Variants in EXOC4 observed in about 807,000 individuals in gnomAD.
EXOC4 encodes exocyst complex component 4, also known as SEC8-like 1.
Under a neutral mutation model 107.2 loss-of-function variants are expected in EXOC4, and 71 were observed. The observed-to-expected ratio is 0.66, with a 90% CI of 0.55 to 0.81. EXOC4 has a LOEUF of 0.81. Among genes scored for constraint, EXOC4 ranks in the 30% least tolerant of loss-of-function variants. EXOC4 has a pLI of 0.00. For synonymous variants in EXOC4, 456 were observed against 441.2 expected, an observed-to-expected ratio of 1.03 and a Z score of -0.42; for missense variants, 1,108 against 1,189.6, an observed-to-expected ratio of 0.93 and a Z score of 1.01.
chr7:133,548,577 T>C (rs1277089560), intron 9 of EXOC4, among the ~76,000 whole-genome samples: 1 of 152,224 alleles, frequency 6.6e-6, no homozygotes, highest in Non-Finnish European at 1.5e-5. Flanking sequence ...AATAACTTGC[T>C]GTAGCTTCTA....
chr7:133,415,170 CCATT>C (rs1797447234), intron 7 of EXOC4, among the ~76,000 whole-genome samples: 1 of 147,584 alleles, frequency 6.8e-6, no homozygotes, highest in African/African-American at 2.5e-5. Context: ...TTCTGTGTAT[CCATT>C]CATTAGTTGA....
At chr7:133,661,672 T>TAAAAAAAAAA (rs1177627198) in intron 10 of EXOC4, among the ~76,000 whole-genome samples, 1 of 13,394 alleles carries the variant, frequency 7.5e-5, no homozygotes, top group African/African-American at 2.8e-4. Flanking sequence ...TCCTTAAAAC[T>TAAAAAAAAAA]AAAAAAAAAA....
At chr7:133,526,997 G>T (rs912239820) in intron 9 of EXOC4, among the ~76,000 whole-genome samples, 1 of 151,830 alleles carries the variant, frequency 6.6e-6, no homozygotes, top group Non-Finnish European at 1.5e-5. Flanking sequence ...ACAAAAACAA[G>T]AAGTAGATAT....
chr7:133,666,419 T>C (rs1311286658), intron 10 of EXOC4, among the ~76,000 whole-genome samples: 1 of 152,134 alleles, frequency 6.6e-6, no homozygotes, highest in Admixed American at 6.5e-5. Context: ...CCATGTCATA[T>C]ATTAAGGTGG....
intron 13 of EXOC4, among the ~76,000 whole-genome samples, chr7:133,936,863 G>T (rs1045630500): frequency 2.0e-5 from 3 of 152,040 alleles, no homozygotes; most frequent in Non-Finnish European, 2.9e-5. Context: ...TTTCACTGTT[G>T]TTGCCCAGGC....
chr7:133,330,143 C>T (rs977851424), intron 5 of EXOC4, among the ~76,000 whole-genome samples: 4 of 152,092 alleles, frequency 2.6e-5, no homozygotes, highest in Admixed American at 6.5e-5. Context: ...TCTAGAGAGG[C>T]AATCTGGCCA....
chr7:133,532,343 G>T (rs28640126), intron 9 of EXOC4, among the ~76,000 whole-genome samples: 126 of 152,092 alleles, frequency 8.3e-4, no homozygotes, highest in African/African-American at 2.8e-3. Context: ...GGCTCAAAAA[G>T]ACAAGATTTA....
intron 9 of EXOC4, among the ~76,000 whole-genome samples, chr7:133,488,976 C>T (rs1799321131): frequency 6.8e-6 from 1 of 147,510 alleles, no homozygotes; most frequent in African/African-American, 2.5e-5. Flanking sequence ...TAATATCTTA[C>T]ACATGTAAAC....
At chr7:133,719,247 A>G (rs953786945) in intron 10 of EXOC4, among the ~76,000 whole-genome samples, 4 of 152,026 alleles carry the variant, frequency 2.6e-5, no homozygotes, top group East Asian at 3.9e-4. Flanking sequence ...GCCTTCCACC[A>G]TGGTTGTGAG....
intron 11 of EXOC4, among the ~76,000 whole-genome samples, chr7:133,886,141 C>A (rs1799081606): frequency 6.6e-6 from 1 of 152,150 alleles, no homozygotes; most frequent in African/African-American, 2.4e-5. Flanking sequence ...GGGCTATGAA[C>A]AATGGTTTCA....
At chr7:133,544,119 A>G (rs958411751) in intron 9 of EXOC4, among the ~76,000 whole-genome samples, 1 of 152,144 alleles carries the variant, frequency 6.6e-6, no homozygotes, top group South Asian at 2.1e-4. Flanking sequence ...TCAAGTATTA[A>G]GAAATCAGCA....
chr7:133,933,419 G>T (rs918811332), intron 13 of EXOC4, among the ~76,000 whole-genome samples: 5 of 152,144 alleles, frequency 3.3e-5, no homozygotes, highest in Admixed American at 6.5e-5. Context: ...CATGTTTTGA[G>T]TTCTGATTTC....
intron 14 of EXOC4, among the ~76,000 whole-genome samples, chr7:133,996,778 TCA>T (rs1384899990): frequency 2.0e-5 from 3 of 152,170 alleles, no homozygotes; most frequent in Non-Finnish European, 4.4e-5. Flanking sequence ...GTTCTACATT[TCA>T]AGGGAAATAG....
intron 10 of EXOC4, among the ~76,000 whole-genome samples, chr7:133,783,208 C>G (rs1355280150): frequency 6.6e-6 from 1 of 151,980 alleles, no homozygotes; most frequent in African/African-American, 2.4e-5. Flanking sequence ...GAAAACTTTA[C>G]TTTTTTAGTC....
chr7:133,401,941 C>T (rs1335532525), intron 7 of EXOC4, among the ~76,000 whole-genome samples: 3 of 152,064 alleles, frequency 2.0e-5, no homozygotes, highest in Admixed American at 2.0e-4. Flanking sequence ...TCACTAAGAA[C>T]CTTGGTAACA....
intron 13 of EXOC4, among the ~76,000 whole-genome samples, chr7:133,932,872 A>G (rs966709728): frequency 6.6e-6 from 1 of 151,790 alleles, no homozygotes; most frequent in African/African-American, 2.4e-5. Context: ...TGGGCTCAGC[A>G]ATAGGAAGTG....
intron 5 of EXOC4, among the ~76,000 whole-genome samples, chr7:133,330,133 T>C (rs1461504235): frequency 6.6e-6 from 1 of 151,940 alleles, no homozygotes; most frequent in African/African-American, 2.4e-5. Flanking sequence ...AGAGGAGGAA[T>C]CTAGAGAGGC....
intron 9 of EXOC4, among the ~76,000 whole-genome samples, chr7:133,542,734 C>G (rs1007933353): frequency 3.3e-5 from 5 of 152,032 alleles, no homozygotes; most frequent in African/African-American, 1.2e-4. Context: ...TAATACATGT[C>G]ACTTGGAGAG....
At chr7:133,436,523 T>G (rs1002832819) in intron 7 of EXOC4, among the ~76,000 whole-genome samples, 2 of 152,040 alleles carry the variant, frequency 1.3e-5, no homozygotes, top group African/African-American at 4.8e-5. Flanking sequence ...AACCCTAATA[T>G]TATCCATATC....
Sources: gnomAD v4.1 joint callset for allele counts (sites outside exome capture counted in the v4.1 genomes callset) on GRCh38, gnomAD v4.1.1 for gene constraint, MANE v1.5 for transcripts, NCBI Gene and HGNC (gene_info 2026-07-23, HGNC 2026-07-21) for gene names.